Variants in ACVR1 observed in about 807,000 individuals in gnomAD.
ACVR1 encodes the protein activin A receptor type 1.
Under a neutral mutation model 57.1 loss-of-function variants are expected in ACVR1, and 38 were observed. That is an observed-to-expected ratio of 0.67 (90% CI 0.51 to 0.87). The LOEUF (loss-of-function observed/expected upper bound fraction) is 0.87, where lower values mean the gene tolerates loss of function less well. Ranked by LOEUF, ACVR1 falls within the 40% of genes least tolerant of loss-of-function variation. The pLI is 0.00. For missense variants in ACVR1, 463 were observed against 638.2 expected (o/e 0.73, Z 2.96); for synonymous variants, 212 against 228.1 (o/e 0.93, Z 0.63).
intron 1 of ACVR1, among the ~76,000 whole-genome samples, chr2:157,863,011 CTTTTTTTTTTTTTTTTTT>C (rs374223805): frequency 3.2e-5 from 2 of 62,290 alleles, no homozygotes; most frequent in Non-Finnish European, 5.3e-5. Context: ...AGAACATTTA[CTTTTTTTTTTTTTTTTTT>C]TTTTTTTTTT....
chr2:157,844,063 A>G (rs1689055255), intron 1 of ACVR1, among the ~76,000 whole-genome samples: 1 of 152,250 alleles, frequency 6.6e-6, no homozygotes, highest in African/African-American at 2.4e-5. Flanking sequence ...AGCTGTGCTT[A>G]CAGGGCAGGC....
chr2:157,787,631 T>A (rs1160680504), intron 3 of ACVR1, among the ~76,000 whole-genome samples: 1 of 152,190 alleles, frequency 6.6e-6, no homozygotes, highest in Non-Finnish European at 1.5e-5. Context: ...ATTGAATGTC[T>A]CAGGCTGGAA....
intron 4 of ACVR1, among the ~76,000 whole-genome samples, 154 bp downstream of exon 4, chr2:157,780,183 C>G (rs1191193101): frequency 6.6e-6 from 1 of 152,196 alleles, no homozygotes; most frequent in Non-Finnish European, 1.5e-5. Context: ...GTTCCTTTCT[C>G]TTCTTCACCC....
chr2:157,817,256 C>A (rs890324012), intron 2 of ACVR1, among the ~76,000 whole-genome samples: 2 of 152,152 alleles, frequency 1.3e-5, no homozygotes, highest in Non-Finnish European at 2.9e-5. Context: ...AGCCACCATG[C>A]CTGGCTCAAG....
chr2:157,773,746 T>C (rs916835514), intron 6 of ACVR1, among the ~76,000 whole-genome samples: 1 of 152,234 alleles, frequency 6.6e-6, no homozygotes, highest in African/African-American at 2.4e-5. Context: ...AGAAGTTCAT[T>C]GTCCAAAAGC....
intron 1 of ACVR1, among the ~76,000 whole-genome samples, chr2:157,819,667 T>C (rs1412204244): frequency 6.6e-6 from 1 of 152,134 alleles, no homozygotes; most frequent in African/African-American, 2.4e-5. Context: ...GCAACAATTC[T>C]CTGGCATAGA....
intron 1 of ACVR1, among the ~76,000 whole-genome samples, chr2:157,852,617 T>C (rs1689362523): frequency 6.6e-6 from 1 of 151,446 alleles, no homozygotes; most frequent in Non-Finnish European, 1.5e-5. Context: ...TCTTCAGACA[T>C]AAAAACAAAA....
chr2:157,814,250 G>A (rs988114488), intron 2 of ACVR1, among the ~76,000 whole-genome samples: 10 of 152,092 alleles, frequency 6.6e-5, no homozygotes, highest in South Asian at 2.1e-4. Context: ...GATAAAAAGG[G>A]GGGACCAATA....
chr2:157,857,365 G>A (rs1689570842), intron 1 of ACVR1, among the ~76,000 whole-genome samples: 1 of 151,502 alleles, frequency 6.6e-6, no homozygotes, highest in South Asian at 2.1e-4. Flanking sequence ...TGAACACATG[G>A]TCCCCGTCCT....
intron 1 of ACVR1, among the ~76,000 whole-genome samples, chr2:157,854,654 C>T (rs1348686176): frequency 2.7e-5 from 4 of 149,960 alleles, no homozygotes; most frequent in Non-Finnish European, 5.9e-5. Flanking sequence ...ACCCGGGAGG[C>T]AGAGCTTGCA....
chr2:157,752,236 C>G (rs1441163305), intron 9 of ACVR1, among the ~76,000 whole-genome samples: 2 of 152,140 alleles, frequency 1.3e-5, no homozygotes, highest in Non-Finnish European at 2.9e-5. Context: ...CTCAGAAAGC[C>G]ACATCCCTAG....
At chr2:157,814,732 C>G (rs1687869971) in intron 2 of ACVR1, among the ~76,000 whole-genome samples, 1 of 152,138 alleles carries the variant, frequency 6.6e-6, no homozygotes, top group South Asian at 2.1e-4. Context: ...TCTATATACC[C>G]ATCAATATTG....
chr2:157,848,428 C>T (rs1689192537), intron 1 of ACVR1, among the ~76,000 whole-genome samples: 1 of 152,200 alleles, frequency 6.6e-6, no homozygotes, highest in African/African-American at 2.4e-5. Context: ...TCCCAGCCAA[C>T]AGCCAGCATC....
chr2:157,740,906 T>G (rs1684732647), intron 9 of ACVR1, among the ~76,000 whole-genome samples: 1 of 152,232 alleles, frequency 6.6e-6, no homozygotes, highest in Non-Finnish European at 1.5e-5. Context: ...CCTCAATCAT[T>G]GGCCAACTGT....
chr2:157,850,219 G>A (rs1485150779), intron 1 of ACVR1, among the ~76,000 whole-genome samples: 1 of 152,046 alleles, frequency 6.6e-6, no homozygotes, highest in African/African-American at 2.4e-5. Flanking sequence ...GCAAAACCCT[G>A]TCTCTATTAA....
rs182754552 is a variant in ACVR1, at chr2:157,852,571, C to T, written c.-183+23225G>A. ...AGGGAAACTAGACTCAAATATCAGG[C>T]ACAAGTTAAGTGCTGCATAAAATGT... On this transcript the variant is annotated intron_variant, in intron 1 of 10. Coordinates refer to ENST00000434821, the MANE Select transcript of ACVR1 (RefSeq NM_001111067.4). Among the ~76,000 whole-genome samples the T allele has an allele frequency of 7.3e-5, 11 of 150,378 alleles. No individual in the cohort carries two copies. The East Asian group carries it at 1.9e-3, about 26-fold the overall frequency.
intron 9 of ACVR1, among the ~76,000 whole-genome samples, chr2:157,757,889 C>A (rs1016884179): frequency 9.9e-5 from 15 of 151,498 alleles, no homozygotes; most frequent in African/African-American, 1.5e-4. Context: ...CACACACACA[C>A]AAAAACAAAC....
At position 157,748,643 on chromosome 2, in the gene ACVR1, A is replaced by C. The variant is rs1277107202; in HGVS notation, c.1265-10073T>G. On this transcript the variant is annotated intron_variant, in intron 9 of 10. Transcript: ENST00000434821. ...TTCATGATTCCATTAAAAAAAAAAA[A>C]CAACTTTAAAAAGAACTGTCAATTT... 3.9e-5 allele frequency among the ~76,000 whole-genome samples: 6 copies of C among 151,998 alleles called. 1 individual carries two copies. In the South Asian group the frequency reaches 1.2e-3, roughly 32 times the overall value.
chr2:157,811,169 C>T (rs931180369), intron 2 of ACVR1, among the ~76,000 whole-genome samples: 1 of 152,060 alleles, frequency 6.6e-6, no homozygotes, highest in African/African-American at 2.4e-5. Flanking sequence ...ACTTTTAATG[C>T]TTTGATCCTT....
Sources: allele counts gnomAD v4.1 joint callset (sites outside exome capture counted in the v4.1 genomes callset), GRCh38; gene constraint gnomAD v4.1.1; transcripts MANE v1.5; gene names NCBI Gene and HGNC (gene_info 2026-07-23, HGNC 2026-07-21).